The following GAS7 variants were observed in gnomAD, a reference collection of about 807,000 sequenced individuals.
GAS7 encodes growth arrest specific 7, also known as growth arrest-specific protein 7.
Under a neutral mutation model 71.1 loss-of-function variants are expected in GAS7, and 28 were observed. The observed-to-expected ratio is 0.39, with a 90% confidence interval of 0.29 to 0.54. The LOEUF (loss-of-function observed/expected upper bound fraction) is 0.54. Among genes scored for constraint, GAS7 ranks in the 20% least tolerant of loss-of-function variants. The pLI is 0.62. For missense variants in GAS7, 436 were observed against 627.8 expected, an observed-to-expected ratio of 0.69 and a Z score of 3.27; for synonymous variants, 258 against 245.8, an observed-to-expected ratio of 1.05 and a Z score of -0.46.
At chr17:9,997,078 T>C (rs2071076365) in intron 2 of GAS7, among the ~76,000 whole-genome samples, 1 of 152,160 alleles carries the variant, frequency 6.6e-6, no homozygotes, top group Non-Finnish European at 1.5e-5. Context: ...CAGACTAGTT[T>C]AGCGTATGGT....
At chr17:10,005,969 G>A (rs577672227) in intron 2 of GAS7, among the ~76,000 whole-genome samples, 5 of 152,296 alleles carry the variant, frequency 3.3e-5, no homozygotes, top group East Asian at 3.9e-4. Flanking sequence ...TGTAATTAAC[G>A]AGTACTGGTT....
At chr17:9,976,462 C>T (rs2070207954) in intron 3 of GAS7, among the ~76,000 whole-genome samples, 2 of 152,224 alleles carry the variant, frequency 1.3e-5, no homozygotes, top group South Asian at 4.1e-4. Flanking sequence ...GGAGAGCTGT[C>T]CCAGGCTTCC....
At chr17:10,031,302 G>A (rs895333768) in intron 1 of GAS7, among the ~76,000 whole-genome samples, 5 of 152,232 alleles carry the variant, frequency 3.3e-5, no homozygotes, top group African/African-American at 7.2e-5. Context: ...AAGAAATGGA[G>A]TGATCTGGTT....
rs566536984 is a variant in GAS7, at chr17:9,911,456, C to T, written c.*5772G>A. ...CACCAAGGAACAGTCCTGAACACCACACGCAATCTCCAAAGGCCATCGCCC... is the reference window on the plus strand; with the variant it reads ...CACCAAGGAACAGTCCTGAACACCATACGCAATCTCCAAAGGCCATCGCCC... On this transcript the variant is annotated 3_prime_UTR_variant, in exon 14 of 14. Transcript: ENST00000432992. This position sits in a 1 kb window ranked among gnomAD's most constrained non-coding sequence, Gnocchi z 4.0. 2.1e-5 allele frequency: 5 copies of T among 233,462 alleles called. No homozygotes were observed. The highest frequency in any genetic ancestry group is 4.2e-5 in the Non-Finnish European group (5 of 118,124). The allele number at this position is 233,462 out of a possible 1,614,324, so 14.5% of individuals were successfully genotyped here.
intron 2 of GAS7, among the ~76,000 whole-genome samples, chr17:9,995,066 A>G (rs2152147665): frequency 6.6e-6 from 1 of 152,314 alleles, no homozygotes; most frequent in Non-Finnish European, 1.5e-5. Flanking sequence ...CTTTCTGAGC[A>G]CTGGGGAGCA....
intron 1 of GAS7, among the ~76,000 whole-genome samples, chr17:10,055,515 A>C (rs965299356): frequency 1.3e-5 from 2 of 152,134 alleles, no homozygotes; most frequent in Non-Finnish European, 2.9e-5. Context: ...TCAGCTTCCC[A>C]AAATGACGTT....
intron 1 of GAS7, among the ~76,000 whole-genome samples, chr17:10,121,977 A>G (rs993491443): frequency 6.6e-6 from 1 of 152,066 alleles, no homozygotes; most frequent in African/African-American, 2.4e-5. Flanking sequence ...ACCTCCAAAA[A>G]CACGTGCCTC....
In GAS7 at chr17:10,005,272, T is replaced by TGC. The variant is rs1567880813; in HGVS notation, c.304+14504_304+14505insGC. ...ATGTGTGTGCACACATACATGTATG[T>TGC]ATATGTATATACATGCATACATGTA... On this transcript the variant is annotated intron_variant, in intron 2 of 13. Coordinates refer to ENST00000432992, the MANE Select transcript of GAS7 (RefSeq NM_201433.2). Among the ~76,000 whole-genome samples, 89 of 151,908 alleles carry TGC rather than the reference T, an allele frequency of 5.9e-4. 1 individual carries two copies. Among genetic ancestry groups the TGC allele is most frequent in the African/African-American group, 2.1e-3 (87 of 41,348 alleles).
rs2073879673 is a variant in GAS7 at position 10,118,475 on chromosome 17, C to T, written c.183+79733G>A. ...CCTGTAATCCCAACACTTTGGGAGG[C>T]CAAGGCTGGTGGATCCCTTGAGGTC... On this transcript the variant is annotated intron_variant, in intron 1 of 13. Transcript: ENST00000432992. 2.0e-5 allele frequency among the ~76,000 whole-genome samples: 3 copies of T among 151,774 alleles called. No homozygotes were observed. The South Asian group carries it at 6.2e-4, about 31-fold the overall frequency.
At position 10,052,097 on chromosome 17, in the gene GAS7, C is replaced by T. The variant is rs183927869; in HGVS notation, c.184-32200G>A. Among the ~76,000 whole-genome samples, 198 of 152,206 alleles carry T rather than the reference C, an allele frequency of 1.3e-3. 1 individual carries two copies. The highest frequency in any genetic ancestry group is 4.6e-3 in the African/African-American group (192 of 41,508). On this transcript the variant is annotated intron_variant, in intron 1 of 13. Coordinates refer to ENST00000432992, the MANE Select transcript of GAS7 (RefSeq NM_201433.2). ...AGACTGGTGCTAGTTCCATCTCACC[C>T]CACACTGTCCCCCGATTCCTCCATT...
chr17:10,042,780 T>A (rs12602030), intron 1 of GAS7, among the ~76,000 whole-genome samples: 17,305 of 152,046 alleles, frequency 0.11, 1,177 homozygotes, highest in Middle Eastern at 0.17. Flanking sequence ...AGGGCTTGAC[T>A]GGAGCCCGAG....
intron 1 of GAS7, among the ~76,000 whole-genome samples, chr17:10,020,835 C>T (rs911315580): frequency 2.0e-5 from 3 of 152,150 alleles, no homozygotes; most frequent in Non-Finnish European, 2.9e-5. Context: ...ATTGCTTGAA[C>T]CTAGGAGGCG....
chr17:10,068,976 T>C (rs1223033588), intron 1 of GAS7, among the ~76,000 whole-genome samples: 1 of 152,170 alleles, frequency 6.6e-6, no homozygotes, highest in Non-Finnish European at 1.5e-5. Context: ...ACAGACTCAG[T>C]GCCCAGAGTT....
At chr17:10,097,114 T>C (rs1409855122) in intron 1 of GAS7, among the ~76,000 whole-genome samples, 1 of 152,230 alleles carries the variant, frequency 6.6e-6, no homozygotes, top group Non-Finnish European at 1.5e-5. Context: ...TGGGCTGCCT[T>C]CCCTCTCTAG....
chr17:10,045,890 G>A (rs1486619065), intron 1 of GAS7, among the ~76,000 whole-genome samples: 1 of 151,798 alleles, frequency 6.6e-6, no homozygotes, highest in Non-Finnish European at 1.5e-5. Flanking sequence ...TATTTTTTTC[G>A]AACTGACTTA....
At chr17:9,989,370 A>G (rs1384654277) in intron 2 of GAS7, among the ~76,000 whole-genome samples, 3 of 152,162 alleles carry the variant, frequency 2.0e-5, no homozygotes, top group African/African-American at 7.2e-5. Context: ...TTGAGGGCCT[A>G]TTCTGTGTCA....
intron 1 of GAS7, among the ~76,000 whole-genome samples, chr17:10,142,212 T>A (rs1230138252): frequency 6.9e-5 from 4 of 57,754 alleles, no homozygotes; most frequent in South Asian, 9.1e-4. Context: ...CGAGACTCTG[T>A]CTCAAAAAAA....
chr17:9,972,622 T>C (rs1463765345), intron 3 of GAS7, among the ~76,000 whole-genome samples: 1 of 119,674 alleles, frequency 8.4e-6, no homozygotes, highest in African/African-American at 2.8e-5. Flanking sequence ...CAGGAAGCCC[T>C]GGAACATGTA....
intron 1 of GAS7, among the ~76,000 whole-genome samples, chr17:10,107,728 C>G (rs1054625377): frequency 1.4e-5 from 2 of 143,482 alleles, no homozygotes; most frequent in Non-Finnish European, 3.1e-5. Flanking sequence ...GCAGGGGAAC[C>G]ACCTTACACA....
Sources: gnomAD v4.1 joint callset for allele counts (sites outside exome capture counted in the v4.1 genomes callset) on GRCh38, gnomAD v4.1.1 for gene constraint, Gnocchi (gnomAD v3.1) non-coding constraint, MANE v1.5 for transcripts, NCBI Gene and HGNC (gene_info 2026-07-23, HGNC 2026-07-21) for gene names.